FNIP2: variants seen among roughly 807,000 people sequenced by gnomAD.
FNIP2 encodes the protein folliculin-interacting protein 2.
Under a neutral mutation model 108.7 loss-of-function variants are expected in FNIP2, and 32 were observed. The observed-to-expected ratio is 0.29, with a 90% CI of 0.22 to 0.40. The LOEUF is 0.40. FNIP2 is among the 10% of genes least tolerant of loss of function. FNIP2 has a pLI of 1.00. For synonymous variants in FNIP2, 480 were observed against 496.7 expected (o/e 0.97, Z 0.45); for missense variants, 1,202 against 1,381.6 (o/e 0.87, Z 2.06).
At chr4:158,883,077 A>G (rs1472655458) in intron 14 of FNIP2, among the ~76,000 whole-genome samples, 1 of 152,028 alleles carries the variant, frequency 6.6e-6, no homozygotes, top group African/African-American at 2.4e-5. Flanking sequence ...CCCAAAAAAA[A>G]TAAAATAAAT....
chr4:158,861,692 A>G lies in FNIP2; in HGVS notation c.1381A>G (p.Lys461Glu). 5.6e-6 allele frequency: 9 copies of G among 1,614,006 alleles called. No homozygotes were observed. The highest frequency in any genetic ancestry group is 7.6e-6 in the Non-Finnish European group (9 of 1,179,894). Reference sequence around the variant, plus strand: ...CATGCCTGTGGATCACCCTCCCATCAAAGCCTTCTCAGAGAAACGTACCTC... The same window carrying G: ...CATGCCTGTGGATCACCCTCCCATCGAAGCCTTCTCAGAGAAACGTACCTC... ...TVMPVDHPPI[K>E]AFSEKRTSQS... is the part of the protein sequence containing the mutation. The change falls in exon 12 of 17, where the codon AAA becomes GAA. Residue 461 changes from lysine (K) to glutamate (E), a missense_variant. Around this residue, in one of 5 missense-constraint regions of FNIP2, gnomAD observed 878 missense variants for 990.3 expected, o/e 0.89. Coordinates refer to ENST00000264433, the MANE Select transcript of FNIP2 (RefSeq NM_020840.3).
At chr4:158,772,621 C>T (rs1775732745) in intron 1 of FNIP2, among the ~76,000 whole-genome samples, 2 of 152,150 alleles carry the variant, frequency 1.3e-5, no homozygotes, top group Non-Finnish European at 2.9e-5. Flanking sequence ...GAAGAGTATA[C>T]CTAAGGCCAA....
chr4:158,779,597 G>C (rs1775970028), intron 1 of FNIP2, among the ~76,000 whole-genome samples: 1 of 140,568 alleles, frequency 7.1e-6, no homozygotes, highest in African/African-American at 2.7e-5. Flanking sequence ...TTGAGATAGA[G>C]TCTCACTCTG....
intron 7 of FNIP2, among the ~76,000 whole-genome samples, chr4:158,850,424 C>T (rs531029809): frequency 1.3e-5 from 2 of 151,902 alleles, no homozygotes; most frequent in East Asian, 3.9e-4. Flanking sequence ...AACCCTTTGC[C>T]TACCTGAGAG....
intron 7 of FNIP2, among the ~76,000 whole-genome samples, chr4:158,841,836 C>T (rs1398942614): frequency 3.3e-5 from 5 of 152,274 alleles, no homozygotes; most frequent in Non-Finnish European, 7.3e-5. Flanking sequence ...CGGGATATCC[C>T]ACAACTTGCC....
intron 1 of FNIP2, among the ~76,000 whole-genome samples, chr4:158,822,475 G>A (rs77797348): frequency 0.06 from 9,118 of 152,038 alleles, 383 homozygotes; most frequent in Middle Eastern, 0.11. Flanking sequence ...GTGCCTGACC[G>A]TTTTGTTTTG....
intron 8 of FNIP2, among the ~76,000 whole-genome samples, chr4:158,852,991 A>G (rs952243644): frequency 3.9e-5 from 6 of 152,196 alleles, no homozygotes; most frequent in Non-Finnish European, 7.3e-5. Flanking sequence ...AAAAACAAGA[A>G]AAGAGTTATT....
At position 158,857,332 on chromosome 4, in the gene FNIP2, G is replaced by A. The variant is rs149698567; in HGVS notation, c.858-1725G>A. Among the ~76,000 whole-genome samples the A allele has an allele frequency of 6.6e-5, 10 of 152,344 alleles. No homozygotes were observed. In the East Asian group the frequency reaches 1.7e-3, roughly 26 times the overall value. The stretch of plus-strand genomic sequence containing the variant: ...CTATACAGAACAGAAATCAACTACT[G>A]TAGTGCAAGAAAACAAGGCTTTAGT... On this transcript the variant is annotated intron_variant, in intron 8 of 16. Transcript: ENST00000264433.
At chr4:158,887,102 C>T (rs970302091) in intron 14 of FNIP2, among the ~76,000 whole-genome samples, 1 of 152,138 alleles carries the variant, frequency 6.6e-6, no homozygotes, top group Non-Finnish European at 1.5e-5. Flanking sequence ...CCTTCCTATT[C>T]CTTTTCTTTA....
chr4:158,881,803 A>G (rs1301688854), intron 14 of FNIP2, among the ~76,000 whole-genome samples: 5 of 151,774 alleles, frequency 3.3e-5, no homozygotes, highest in African/African-American at 4.8e-5. Context: ...GCTCGCTACA[A>G]CCTCCACCTC....
chr4:158,803,485 A>G (rs1776831388), intron 1 of FNIP2, among the ~76,000 whole-genome samples: 1 of 152,228 alleles, frequency 6.6e-6, no homozygotes. Flanking sequence ...GAGTTGCTCT[A>G]ATGTCTCAGA....
At chr4:158,875,530 A>G (rs1292459648) in intron 14 of FNIP2, among the ~76,000 whole-genome samples, 3 of 140,640 alleles carry the variant, frequency 2.1e-5, no homozygotes, top group South Asian at 2.2e-4. Flanking sequence ...ATATATATAT[A>G]TATATATATA....
At position 158,904,658 on chromosome 4, in the gene FNIP2, T is replaced by G; in HGVS notation, c.*114T>G. ...GCATGAGAAGAGCAAACAGAAACAG[T>G]CATTCCACCTTTTTGTTTTGTGTTT... On this transcript the variant is annotated 3_prime_UTR_variant, in exon 17 of 17. Coordinates refer to ENST00000264433, the MANE Select transcript of FNIP2 (RefSeq NM_020840.3). 1 of 901,278 alleles carries G rather than the reference T, an allele frequency of 1.1e-6. No homozygotes were observed. The highest frequency in any genetic ancestry group is 1.7e-6 in the Non-Finnish European group (1 of 576,902). 55.8% of individuals were successfully genotyped at this position (901,278 alleles called of 1,614,324 possible). A position where few individuals can be genotyped will look rare whatever the true frequency, so the allele number is the denominator to read the frequency against.
chr4:158,833,691 G>A (rs1778608018), intron 6 of FNIP2, 63 bp downstream of exon 6: 1 of 1,505,900 alleles, frequency 6.6e-7, no homozygotes, highest in South Asian at 1.2e-5. Flanking sequence ...TGTGTGTTTT[G>A]CTTTATTTGA....
At chr4:158,802,863 G>C (rs1261277728) in intron 1 of FNIP2, among the ~76,000 whole-genome samples, 1 of 152,206 alleles carries the variant, frequency 6.6e-6, no homozygotes, top group Admixed American at 6.5e-5. Context: ...TGATCTAAAT[G>C]ATACTGTGCT....
intron 12 of FNIP2, among the ~76,000 whole-genome samples, chr4:158,864,428 T>C (rs954861130): frequency 1.3e-5 from 2 of 152,198 alleles, no homozygotes; most frequent in African/African-American, 2.4e-5. Context: ...AGTTAAACTG[T>C]GTAGGGTATA....
chr4:158,814,022 C>T (rs1443082286), intron 1 of FNIP2, among the ~76,000 whole-genome samples: 1 of 152,046 alleles, frequency 6.6e-6, no homozygotes, highest in Non-Finnish European at 1.5e-5. Context: ...CTATTCTGTT[C>T]CATTGATCAG....
chr4:158,863,686 A>G (rs1365050875), intron 12 of FNIP2, among the ~76,000 whole-genome samples: 1 of 152,254 alleles, frequency 6.6e-6, no homozygotes, highest in Non-Finnish European at 1.5e-5. Context: ...AGTGATTTAC[A>G]TGTATATTTT....
rs1729699886 is a variant in FNIP2, at chr4:158,904,925, T to A, written c.*381T>A. 1 of 160,694 alleles carries A rather than the reference T, an allele frequency of 6.2e-6. No individual in the cohort carries two copies. Among genetic ancestry groups the A allele is most frequent in the Admixed American group, 6.3e-5 (1 of 15,976 alleles). The allele number at this position is 160,694 out of a possible 1,614,324, so 10.0% of individuals were successfully genotyped here. A position where few individuals can be genotyped will look rare whatever the true frequency, so the allele number is the denominator to read the frequency against. On this transcript the variant is annotated 3_prime_UTR_variant, in exon 17 of 17. Transcript: ENST00000264433. ...GTCAGCAGTGTACATAATATTCCAG[T>A]AGGAAACTGCTTCCAAGTTTAAGCA...
Sources: allele counts gnomAD v4.1 joint callset (sites outside exome capture counted in the v4.1 genomes callset), GRCh38; gene constraint gnomAD v4.1.1; regional missense constraint gnomAD v4.1.1; transcripts MANE v1.5; gene names NCBI Gene and HGNC (gene_info 2026-07-23, HGNC 2026-07-21).